GLS: variants seen among roughly 807,000 people sequenced by gnomAD.
The protein encoded by GLS is glutaminase.
A neutral mutation model predicts 86.7 loss-of-function variants in GLS; 36 were observed. The ratio of observed to expected loss-of-function variants is 0.42; its 90% confidence interval spans 0.32 to 0.55. The LOEUF is 0.55. Ranked by LOEUF, GLS falls within the 20% of genes least tolerant of loss-of-function variation. The probability of loss-of-function intolerance (pLI) is 0.17; values close to 1 mark genes in which losing one functional copy is unlikely to be tolerated. For synonymous variants in GLS, 317 were observed against 305.9 expected (o/e 1.04, Z -0.38); for missense variants, 528 against 833.4 (o/e 0.63, Z 4.51).
At chr2:190,886,169 C>G (rs993660036) in intron 1 of GLS, among the ~76,000 whole-genome samples, 10 of 152,124 alleles carry the variant, frequency 6.6e-5, no homozygotes, top group African/African-American at 2.2e-4. Context: ...CTGCACCCAG[C>G]CCAGTTTTGT....
chr2:190,884,561 G>C (rs531370585), intron 1 of GLS, among the ~76,000 whole-genome samples: 7 of 152,158 alleles, frequency 4.6e-5, no homozygotes, highest in Non-Finnish European at 1.5e-5. Flanking sequence ...TGTTAAGCTG[G>C]TTATACTTAT....
intron 17 of GLS, among the ~76,000 whole-genome samples, chr2:190,958,001 C>G (rs571025432): frequency 6.6e-6 from 1 of 152,118 alleles, no homozygotes; most frequent in Non-Finnish European, 1.5e-5. Flanking sequence ...CCTCTTTGTA[C>G]CTCTGGTAGA....
intron 14 of GLS, among the ~76,000 whole-genome samples, chr2:190,939,503 A>G (rs1690367599): frequency 1.3e-5 from 2 of 151,742 alleles, no homozygotes; most frequent in African/African-American, 4.8e-5. Flanking sequence ...AAATGATGAA[A>G]TATTAGTATC....
intron 14 of GLS, chr2:190,934,698 A>C (rs1690216172): frequency 4.1e-6 from 4 of 971,378 alleles, no homozygotes; most frequent in Non-Finnish European, 4.9e-6. Flanking sequence ...CATATCGTAT[A>C]CATAGCTGTA....
rs1281840286 is a variant in GLS at position 190,963,167 on chromosome 2, A to AAAAC, written c.*184_*187dup. The AAAAC allele has an allele frequency of 6.3e-6, 3 of 473,014 alleles. No individual in the cohort carries two copies. The highest frequency in any genetic ancestry group is 1.1e-5 in the Non-Finnish European group (3 of 267,964). The allele number at this position is 473,014 out of a possible 1,614,324, so 29.3% of individuals were successfully genotyped here. A position where few individuals can be genotyped will look rare whatever the true frequency, so the allele number is the denominator to read the frequency against. On this transcript the variant is annotated 3_prime_UTR_variant, in exon 18 of 18. Transcript: ENST00000320717. ...GATCTCTTTGGGAAAAAATAGAAAT[A>AAAAC]AAACAATCTCCCTCCATAATGTGAG...
At chr2:190,884,761 A>G (rs944879109) in intron 1 of GLS, among the ~76,000 whole-genome samples, 21 of 152,246 alleles carry the variant, frequency 1.4e-4, no homozygotes, top group Non-Finnish European at 2.5e-4. Context: ...TAGAAAATAG[A>G]TAATTCATAC....
rs1005044909 is a variant in GLS, at chr2:190,930,106, A to G, written c.1426-331A>G. On this transcript the variant is annotated intron_variant, in intron 12 of 17. Transcript: ENST00000320717. The surrounding 1 kb of genome is among the most constrained non-coding windows in gnomAD (Gnocchi z 5.0). ...TTTTGAAACTGGATCTTGCTCTGTC[A>G]TCCAGGCTGGAGTGCAGTGGTGCGA... 6.7e-6 allele frequency among the ~76,000 whole-genome samples: 1 copy of G among 148,460 alleles called. No homozygotes were observed. Among genetic ancestry groups the G allele is most frequent in the Middle Eastern group, 3.3e-3 (1 of 302 alleles).
chr2:190,946,329 C>T (rs1690576324), intron 14 of GLS, among the ~76,000 whole-genome samples: 1 of 152,038 alleles, frequency 6.6e-6, no homozygotes, highest in Non-Finnish European at 1.5e-5. Flanking sequence ...CTATAATCTG[C>T]CAAGTTGGAG....
Position 190,949,628 on chromosome 2 carries a change from G to C in GLS, c.1651-3937G>C, listed in dbSNP as rs1690665839. Among the ~76,000 whole-genome samples, 1 of 152,102 alleles carries C rather than the reference G, an allele frequency of 6.6e-6. No homozygotes were observed. The highest frequency in any genetic ancestry group is 1.5e-5 in the Non-Finnish European group (1 of 68,020). Reference sequence around the variant, plus strand: ...GAATCACTTGAACCCGAGAGGCGAAGGTTGTATGAGCCGAGATCTTGCCAC... The same window carrying C: ...GAATCACTTGAACCCGAGAGGCGAACGTTGTATGAGCCGAGATCTTGCCAC... On this transcript the variant is annotated intron_variant, in intron 14 of 17. Coordinates refer to ENST00000320717, the MANE Select transcript of GLS (RefSeq NM_014905.5). The surrounding 1 kb of genome is among the most constrained non-coding windows in gnomAD (Gnocchi z 4.0).
rs539567148 is a variant in GLS, at chr2:190,886,784, C to T, written c.386+5314C>T. 1.4e-4 allele frequency among the ~76,000 whole-genome samples: 21 copies of T among 151,856 alleles called. No individual in the cohort carries two copies. The East Asian group carries it at 2.3e-3, about 17-fold the overall frequency. ...TACAAAAATTAGCCAGGAGTGGTGG[C>T]GGGCACCTGTAATCCCAGCTACTCG... On this transcript the variant is annotated intron_variant, in intron 1 of 17. Coordinates refer to ENST00000320717, the MANE Select transcript of GLS (RefSeq NM_014905.5).
chr2:190,918,127 C>T (rs1242112439), intron 7 of GLS, among the ~76,000 whole-genome samples: 2 of 152,120 alleles, frequency 1.3e-5, no homozygotes, highest in African/African-American at 4.8e-5. Flanking sequence ...GCTGCCTTAG[C>T]CCCTAACAGG....
intron 3 of GLS, among the ~76,000 whole-genome samples, chr2:190,898,339 G>C (rs183505332): frequency 1.3e-5 from 2 of 152,274 alleles, no homozygotes; most frequent in Non-Finnish European, 2.9e-5. Context: ...ACTGAACAAA[G>C]GACAGAGATA....
Position 190,964,119 on chromosome 2 carries a change from G to GTAGTT in GLS, c.*1136_*1140dup, listed in dbSNP as rs1243155976. ...TATTGTGTAATTCTTGGTGGGCTCT[G>GTAGTT]TAGTTTAATAATAAGAAAAAGGCCA... is the stretch of plus-strand genomic sequence containing the variant. On this transcript the variant is annotated 3_prime_UTR_variant, in exon 18 of 18. Coordinates refer to ENST00000320717, the MANE Select transcript of GLS (RefSeq NM_014905.5). The surrounding 1 kb of genome is among the most constrained non-coding windows in gnomAD (Gnocchi z 5.2). 6.6e-6 allele frequency: 1 copy of GTAGTT among 152,012 alleles called. No homozygotes were observed. The highest frequency in any genetic ancestry group is 1.5e-5 in the Non-Finnish European group (1 of 68,006). The allele number at this position is 152,012 out of a possible 1,614,324, so 9.4% of individuals were successfully genotyped here. A position where few individuals can be genotyped will look rare whatever the true frequency, so the allele number is the denominator to read the frequency against.
At chr2:190,928,892 GTTTTT>G (rs367999647) in intron 12 of GLS, among the ~76,000 whole-genome samples, 1 of 12,826 alleles carries the variant, frequency 7.8e-5, no homozygotes, top group Non-Finnish European at 1.4e-4. Context: ...ATTCAGGTGT[GTTTTT>G]TTTTTTTTTT....
At chr2:190,881,584 A>G (rs1486618830) in intron 1 of GLS, 114 bp downstream of exon 1, 11 of 1,026,364 alleles carry the variant, frequency 1.1e-5, no homozygotes, top group Admixed American at 3.1e-5. Flanking sequence ...AAAGAGAAAG[A>G]AAGAGGTGCC....
chr2:190,892,865 G>A (rs1391898449), intron 1 of GLS, among the ~76,000 whole-genome samples: 5 of 152,038 alleles, frequency 3.3e-5, no homozygotes, highest in Non-Finnish European at 4.4e-5. Context: ...TTGTTTAAAA[G>A]CAAGTAAACA....
chr2:190,929,562 C>A (rs1173750262), intron 12 of GLS, among the ~76,000 whole-genome samples: 1 of 151,084 alleles, frequency 6.6e-6, no homozygotes, highest in Non-Finnish European at 1.5e-5. Context: ...CTCTGCCTCC[C>A]AGGTTCAAGC....
chr2:190,917,305 A>G lies in GLS; in HGVS notation c.1039-3719A>G, dbSNP rs527518046. 9.7e-4 allele frequency among the ~76,000 whole-genome samples: 147 copies of G among 152,112 alleles called. 2 individuals are homozygous for G. The highest frequency in any genetic ancestry group is 2.1e-3 in the South Asian group (10 of 4,826). Reference sequence around the variant, plus strand: ...TTTCTTAGTTCACTCATGAGAAGCAACTCCTCATCCGTTGAAGTTTTATCA... The same window carrying G: ...TTTCTTAGTTCACTCATGAGAAGCAGCTCCTCATCCGTTGAAGTTTTATCA... On this transcript the variant is annotated intron_variant, in intron 7 of 17. Transcript: ENST00000320717.
chr2:190,934,413 T>C (rs938669321), intron 14 of GLS: 1 of 946,698 alleles, frequency 1.1e-6, no homozygotes, highest in Admixed American at 6.2e-5. Context: ...TAAATAATTA[T>C]ATTTTAAGTT....
Sources: allele counts gnomAD v4.1 joint callset (sites outside exome capture counted in the v4.1 genomes callset), GRCh38; gene constraint gnomAD v4.1.1; non-coding constraint Gnocchi (gnomAD v3.1); transcripts MANE v1.5; gene names NCBI Gene and HGNC (gene_info 2026-07-23, HGNC 2026-07-21).